CNTN5: variants seen among roughly 807,000 people sequenced by gnomAD.
The protein encoded by CNTN5 is contactin 5, also known as contactin-5.
Under a neutral mutation model 129.1 loss-of-function variants are expected in CNTN5, and 77 were observed. The ratio of observed to expected loss-of-function variants is 0.60; its 90% CI spans 0.50 to 0.72. CNTN5 has a LOEUF of 0.72. Ranked by LOEUF, CNTN5 falls within the 30% of genes least tolerant of loss-of-function variation. CNTN5 has a pLI of 0.00. For missense variants in CNTN5, 1,478 were observed against 1,328.8 expected, an observed-to-expected ratio of 1.11 and a Z score of -1.75; for synonymous variants, 509 against 465.6, an observed-to-expected ratio of 1.09 and a Z score of -1.20.
At chr11:99,835,714 G>A (rs1267617124) in intron 4 of CNTN5, among the ~76,000 whole-genome samples, 1 of 152,138 alleles carries the variant, frequency 6.6e-6, no homozygotes, top group East Asian at 1.9e-4. Flanking sequence ...TGGAGCTCAA[G>A]AATTAAGTAG....
At chr11:99,264,909 T>C (rs1013356163) in intron 1 of CNTN5, among the ~76,000 whole-genome samples, 1 of 152,034 alleles carries the variant, frequency 6.6e-6, no homozygotes, top group African/African-American at 2.4e-5. Flanking sequence ...ACTTGAAAAG[T>C]TTGTTATCAG....
intron 1 of CNTN5, among the ~76,000 whole-genome samples, chr11:99,178,378 A>T (rs12364368): frequency 2.0e-5 from 3 of 148,350 alleles, no homozygotes; most frequent in African/African-American, 5.0e-5. Flanking sequence ...AAAATTAGCC[A>T]GGTGTGGGGC....
intron 1 of CNTN5, among the ~76,000 whole-genome samples, chr11:99,034,466 A>C (rs1022374701): frequency 6.6e-6 from 1 of 151,710 alleles, no homozygotes; most frequent in Non-Finnish European, 1.5e-5. Context: ...TGGTCTATTC[A>C]GAGATTCAAC....
chr11:100,318,579 T>A (rs915261089), intron 21 of CNTN5, among the ~76,000 whole-genome samples: 11 of 152,016 alleles, frequency 7.2e-5, no homozygotes, highest in Non-Finnish European at 1.3e-4. Flanking sequence ...AGTGCAAAAA[T>A]TATTTTATTT....
chr11:99,213,379 T>TACATATATACACGTGTATATATATATAC (rs1565408059), intron 1 of CNTN5, among the ~76,000 whole-genome samples: 2 of 138,604 alleles, frequency 1.4e-5, no homozygotes, highest in Non-Finnish European at 3.0e-5. Context: ...TATATGTATA[T>TACATATATACACGTGTATATATATATAC]ACATATATAC....
intron 6 of CNTN5, among the ~76,000 whole-genome samples, chr11:99,847,142 C>T (rs1421783785): frequency 1.3e-5 from 2 of 152,154 alleles, no homozygotes; most frequent in Non-Finnish European, 1.5e-5. Context: ...ACAAGGTATA[C>T]CAGTTAGCTA....
At chr11:99,725,440 A>G (rs535117771) in intron 3 of CNTN5, among the ~76,000 whole-genome samples, 6 of 151,766 alleles carry the variant, frequency 4.0e-5, no homozygotes, top group South Asian at 4.1e-4. Context: ...TTTTATTTTA[A>G]TAATTTTTAT....
intron 1 of CNTN5, among the ~76,000 whole-genome samples, chr11:99,306,581 T>C (rs2510689): frequency 0.1 from 15,172 of 151,752 alleles, 1,559 homozygotes; most frequent in East Asian, 0.45. Flanking sequence ...CTTTTAGATA[T>C]AAATTAAACA....
chr11:100,334,744 T>A (rs1209017707), intron 21 of CNTN5, among the ~76,000 whole-genome samples: 1 of 152,124 alleles, frequency 6.6e-6, no homozygotes, highest in African/African-American at 2.4e-5. Flanking sequence ...TGCAAAGTTA[T>A]AAGAATGACA....
intron 3 of CNTN5, among the ~76,000 whole-genome samples, chr11:99,599,272 G>GT (rs1364249337): frequency 6.6e-6 from 1 of 151,636 alleles, no homozygotes; most frequent in Non-Finnish European, 1.5e-5. Context: ...CTTTTAAGTT[G>GT]TTTTTTTGAA....
intron 16 of CNTN5, among the ~76,000 whole-genome samples, chr11:100,227,736 T>C (rs761502951): frequency 4.6e-5 from 7 of 152,198 alleles, no homozygotes; most frequent in Non-Finnish European, 1.0e-4. Context: ...CCTGGACATC[T>C]GTGCACCATT....
intron 13 of CNTN5, among the ~76,000 whole-genome samples, chr11:100,085,996 C>A (rs980118298): frequency 6.6e-6 from 1 of 151,916 alleles, no homozygotes; most frequent in East Asian, 1.9e-4. Context: ...GTTATGAATT[C>A]AGGACACTTT....
intron 3 of CNTN5, among the ~76,000 whole-genome samples, chr11:99,610,046 C>T (rs189492150): frequency 2.5e-4 from 38 of 152,106 alleles, no homozygotes; most frequent in Middle Eastern, 3.4e-3. Context: ...ATGAAGAAAT[C>T]GAGATTCAGG....
At chr11:99,151,055 G>T (rs983607915) in intron 1 of CNTN5, among the ~76,000 whole-genome samples, 1 of 152,000 alleles carries the variant, frequency 6.6e-6, no homozygotes, top group African/African-American at 2.4e-5. Context: ...ACGGGATCAG[G>T]GTTCAATGAC....
chr11:99,862,329 C>G (rs988574440), intron 6 of CNTN5, among the ~76,000 whole-genome samples: 1 of 148,910 alleles, frequency 6.7e-6, no homozygotes, highest in Non-Finnish European at 1.5e-5. Context: ...ACTCTTCGGC[C>G]ACAAAGCGAT....
intron 2 of CNTN5, among the ~76,000 whole-genome samples, chr11:99,390,556 A>G (rs1941208499): frequency 6.6e-6 from 1 of 152,210 alleles, no homozygotes; most frequent in Non-Finnish European, 1.5e-5. Context: ...CTTCAGATTC[A>G]CACCATATTA....
chr11:99,905,735 T>A (rs774982825), intron 6 of CNTN5, among the ~76,000 whole-genome samples: 5 of 152,224 alleles, frequency 3.3e-5, no homozygotes, highest in Non-Finnish European at 7.3e-5. Context: ...TTGGGCACTA[T>A]GGCCATTTTC....
chr11:100,269,587 T>C (rs552101160), intron 17 of CNTN5, among the ~76,000 whole-genome samples: 2 of 152,248 alleles, frequency 1.3e-5, no homozygotes, highest in African/African-American at 2.4e-5. Flanking sequence ...ATTTCTTTAG[T>C]TTCTATTGGA....
chr11:99,838,109 A>C (rs1258505670), intron 4 of CNTN5, among the ~76,000 whole-genome samples: 1 of 152,162 alleles, frequency 6.6e-6, no homozygotes, highest in African/African-American at 2.4e-5. Flanking sequence ...ATTGGGTAAA[A>C]AACTGTCCTC....
Sources: allele counts gnomAD v4.1 joint callset (sites outside exome capture counted in the v4.1 genomes callset), GRCh38; gene constraint gnomAD v4.1.1; transcripts MANE v1.5; gene names NCBI Gene and HGNC (gene_info 2026-07-23, HGNC 2026-07-21).